Variants in KDM5A observed in about 807,000 individuals in gnomAD.
The protein encoded by KDM5A is lysine demethylase 5A.
Under a neutral mutation model 193.5 loss-of-function variants are expected in KDM5A, and 42 were observed. The observed-to-expected ratio is 0.22, with a 90% CI of 0.17 to 0.28. The LOEUF is 0.28. Ranked by LOEUF, KDM5A falls within the 10% of genes least tolerant of loss-of-function variation. KDM5A has a pLI of 1.00. For missense variants in KDM5A, 1,692 were observed against 2,055.1 expected (o/e 0.82, Z 3.42); for synonymous variants, 796 against 718.1 (o/e 1.11, Z -1.73).
intron 5 of KDM5A, among the ~76,000 whole-genome samples, chr12:362,508 C>T (rs1410543755): frequency 2.0e-5 from 3 of 152,186 alleles, no homozygotes; most frequent in Non-Finnish European, 2.9e-5. Context: ...ACCTATTCAT[C>T]TCACTTCTGC....
chr12:383,770 C>T (rs1432880997), intron 3 of KDM5A, among the ~76,000 whole-genome samples: 4 of 150,586 alleles, frequency 2.7e-5, no homozygotes, highest in Non-Finnish European at 4.4e-5. Context: ...TTTTTTGAGA[C>T]CGAGTTTTGC....
At chr12:318,837 C>T (rs7303180) in intron 18 of KDM5A, among the ~76,000 whole-genome samples, 53,433 of 151,960 alleles carry the variant, frequency 0.35, 10,067 homozygotes, top group East Asian at 0.58. Context: ...TAGTGTCAAG[C>T]GCTCTGAAAA....
chr12:358,031 T>G (rs553109642), intron 5 of KDM5A, among the ~76,000 whole-genome samples: 5 of 151,968 alleles, frequency 3.3e-5, no homozygotes, highest in Non-Finnish European at 7.4e-5. Flanking sequence ...TAGAGCTACT[T>G]ACCTCTGAAA....
At chr12:387,484 G>A (rs905873422) in intron 1 of KDM5A, among the ~76,000 whole-genome samples, 3 of 152,112 alleles carry the variant, frequency 2.0e-5, no homozygotes, top group African/African-American at 7.2e-5. Context: ...AGGTAATTAT[G>A]ATAGAAAAAA....
At position 307,570 on chromosome 12, in the gene KDM5A, C is replaced by T. The variant is rs748802448; in HGVS notation, c.3814G>A (p.Ala1272Thr). 1.2e-6 allele frequency: 2 copies of T among 1,614,036 alleles called. No individual in the cohort carries two copies. Among genetic ancestry groups the T allele is most frequent in the East Asian group, 2.2e-5 (1 of 44,892 alleles). Residue 1272 changes from alanine (A) to threonine (T), a missense_variant, in exon 23 of 28, where the codon GCC becomes ACC. Transcript: ENST00000399788. The surrounding 1 kb of genome is among the most constrained non-coding windows in gnomAD (Gnocchi z 4.3). The stretch of plus-strand genomic sequence containing the variant: ...CTCAACACAGATAGTTTGGCCAGGG[C>T]AGAGGATAGTTCATCTGTGGCTAGA... ...QALATDELSSALAKLSVLSQR... is the reference protein window; with the variant it reads ...QALATDELSSTLAKLSVLSQR...
At chr12:288,701 C>G (rs1389420134) in intron 27 of KDM5A, among the ~76,000 whole-genome samples, 1 of 152,192 alleles carries the variant, frequency 6.6e-6, no homozygotes, top group African/African-American at 2.4e-5. Context: ...CTAGCAAAAG[C>G]TGGATTTGAA....
At chr12:300,469 C>T (rs954152157) in intron 24 of KDM5A, among the ~76,000 whole-genome samples, 3 of 152,090 alleles carry the variant, frequency 2.0e-5, no homozygotes, top group Non-Finnish European at 2.9e-5. Flanking sequence ...GAAATAAAGA[C>T]ATTCTTTGAA....
intron 10 of KDM5A, among the ~76,000 whole-genome samples, chr12:340,711 A>C (rs1048439266): frequency 1.3e-5 from 2 of 151,484 alleles, no homozygotes; most frequent in Non-Finnish European, 2.9e-5. Flanking sequence ...AAAAAAAAAA[A>C]AAAAAAAACC....
chr12:323,239 AGAAAAC>A, intron 15 of KDM5A, 33 bp from the exon 16 acceptor site: 2 of 1,472,764 alleles, frequency 1.4e-6, no homozygotes, highest in Non-Finnish European at 9.0e-7. Context: ...AAAAAAAAAA[AGAAAAC>A]AGAAATAAAA....
Position 310,922 on chromosome 12 carries a change from G to T in KDM5A, c.3179C>A (p.Thr1060Lys), listed in dbSNP as rs770784292. 3 of 1,614,150 alleles carry T rather than the reference G, an allele frequency of 1.9e-6. No individual in the cohort carries two copies. The highest frequency in any genetic ancestry group is 2.5e-6 in the Non-Finnish European group (3 of 1,180,006). ...ATGGCTAGAATTCTTCTTAAGAAAC[G>T]TCCGCCCAGTCCGTTCTCTCCATGC... is the stretch of plus-strand genomic sequence containing the variant. ...ARAWRERTGR[T>K]FLKKNSSHTL... The change falls in exon 21 of 28, where the codon ACG becomes AAG. Residue 1060 changes from threonine (T) to lysine (K), a missense_variant. Around this residue, in one of 11 missense-constraint regions of KDM5A, gnomAD observed 965 missense variants for 1,061.0 expected, o/e 0.91. Transcript: ENST00000399788.
At chr12:347,786 G>A (rs1278336140) in intron 10 of KDM5A, among the ~76,000 whole-genome samples, 4 of 152,140 alleles carry the variant, frequency 2.6e-5, no homozygotes, top group Non-Finnish European at 5.9e-5. Context: ...AGACTTAAAT[G>A]TTAGACTTAA....
At chr12:337,394 T>C (rs1943947890) in intron 10 of KDM5A, among the ~76,000 whole-genome samples, 1 of 152,118 alleles carries the variant, frequency 6.6e-6, no homozygotes, top group Admixed American at 6.6e-5. Flanking sequence ...AAGATTTGAA[T>C]AAACATTCTA....
chr12:339,034 C>G (rs1028606379), intron 10 of KDM5A, among the ~76,000 whole-genome samples: 7 of 151,906 alleles, frequency 4.6e-5, no homozygotes, highest in Admixed American at 4.6e-4. Context: ...CATAAGTAGC[C>G]GGGCGTGGTG....
At position 295,615 on chromosome 12, in the gene KDM5A, G is replaced by C. The variant is rs1943360381; in HGVS notation, c.4413C>G (p.Ala1471=). ...ATCTGTCTTCAGAGGGTGGGTGTGT[G>C]GCCTGCAAAATCCGCCATATGTGTT... ...ETQHIWRILQ[A]THPPSEDRFL... is the part of the protein sequence containing the mutation. The change falls in exon 26 of 28, where the codon GCC becomes GCG. Residue 1471 remains alanine (A), a synonymous_variant. Transcript: ENST00000399788. 4 of 1,614,102 alleles carry C rather than the reference G, an allele frequency of 2.5e-6. No homozygotes were observed. The highest frequency in any genetic ancestry group is 3.4e-6 in the Non-Finnish European group (4 of 1,179,980).
In KDM5A at chr12:347,544, G is replaced by C. The variant is rs1411146149; in HGVS notation, c.1308+3077C>G. 3.3e-5 allele frequency among the ~76,000 whole-genome samples: 5 copies of C among 152,114 alleles called. 1 individual carries two copies. In the South Asian group the frequency reaches 1.0e-3, roughly 32 times the overall value. On this transcript the variant is annotated intron_variant, in intron 10 of 27. Transcript: ENST00000399788. Reference sequence around the variant, plus strand: ...AAGGCTACAGTAACCAAAACAGCATGGTACTGGTACCAAAACAGAGACATA... The same window carrying C: ...AAGGCTACAGTAACCAAAACAGCATCGTACTGGTACCAAAACAGAGACATA...
intron 18 of KDM5A, among the ~76,000 whole-genome samples, chr12:318,662 AT>A (rs1417792159): frequency 2.0e-5 from 3 of 152,218 alleles, no homozygotes; most frequent in Non-Finnish European, 4.4e-5. Flanking sequence ...TACTTTTAAA[AT>A]ATAGTTGATT....
chr12:382,749 T>C (rs1366706316), intron 3 of KDM5A, among the ~76,000 whole-genome samples: 1 of 152,076 alleles, frequency 6.6e-6, no homozygotes, highest in Non-Finnish European at 1.5e-5. Context: ...CTGACTAAGA[T>C]AGTGAAACCC....
At position 351,234 on chromosome 12, in the gene KDM5A, G is replaced by A. The variant is rs150623637; in HGVS notation, c.1150-455C>T. Among the ~76,000 whole-genome samples the A allele has an allele frequency of 4.9e-3, 739 of 152,072 alleles. 11 individuals carry two copies. In the East Asian group the frequency reaches 0.062, roughly 13 times the overall value. ...AGCCCCCTACTCCCGGACAGGCCCCGGTGTGTGATGTTCCCCTTCCTGTGT... is the reference window on the plus strand; with the variant it reads ...AGCCCCCTACTCCCGGACAGGCCCCAGTGTGTGATGTTCCCCTTCCTGTGT... On this transcript the variant is annotated intron_variant, in intron 9 of 27. Transcript: ENST00000399788.
intron 8 of KDM5A, among the ~76,000 whole-genome samples, chr12:353,217 T>A (rs1351532438): frequency 6.6e-6 from 1 of 151,608 alleles, no homozygotes; most frequent in East Asian, 1.9e-4. Flanking sequence ...GTGGCATACA[T>A]CTGTAGGGAG....
Sources: gnomAD v4.1 joint callset for allele counts (sites outside exome capture counted in the v4.1 genomes callset) on GRCh38, gnomAD v4.1.1 for gene constraint, gnomAD v4.1.1 regional missense constraint, Gnocchi (gnomAD v3.1) non-coding constraint, MANE v1.5 for transcripts, NCBI Gene and HGNC (gene_info 2026-07-23, HGNC 2026-07-21) for gene names.